The following SOX5 variants were observed in gnomAD, a reference collection of about 807,000 sequenced individuals.
SOX5 encodes the protein SRY-box transcription factor 5.
In SOX5, 9 loss-of-function variants were observed where a neutral mutation model predicts 92.0. The ratio of observed to expected loss-of-function variants is 0.10; its 90% confidence interval spans 0.06 to 0.17. The LOEUF is 0.17. Among genes scored for constraint, SOX5 ranks in the 10% least tolerant of loss-of-function variants. The pLI, the probability that SOX5 is intolerant of heterozygous loss-of-function variation, is 1.00. For synonymous variants in SOX5, 344 were observed against 336.3 expected (o/e 1.02, Z -0.25); for missense variants, 642 against 944.5 (o/e 0.68, Z 4.20).
chr12:24,209,835 G>A (rs1386083134), intron 4 of SOX5, among the ~76,000 whole-genome samples: 1 of 151,056 alleles, frequency 6.6e-6, no homozygotes, highest in African/African-American at 2.4e-5. Flanking sequence ...TGGCTAAAAC[G>A]GTGAAACCCC....
intron 7 of SOX5, among the ~76,000 whole-genome samples, chr12:23,663,891 T>C (rs1225696698): frequency 6.6e-6 from 1 of 152,008 alleles, no homozygotes; most frequent in African/African-American, 2.4e-5. Flanking sequence ...CCTACAAAGG[T>C]AGGACGATGC....
At chr12:23,662,055 T>C (rs2083128862) in intron 7 of SOX5, among the ~76,000 whole-genome samples, 1 of 152,162 alleles carries the variant, frequency 6.6e-6, no homozygotes. Flanking sequence ...TGAACTTGTC[T>C]CTGAATGAAG....
intron 3 of SOX5, among the ~76,000 whole-genome samples, chr12:23,794,540 C>A (rs956211656): frequency 2.0e-5 from 3 of 152,084 alleles, no homozygotes; most frequent in Non-Finnish European, 4.4e-5. Flanking sequence ...TAGAGCCTTA[C>A]TTATTTTAGC....
intron 1 of SOX5, among the ~76,000 whole-genome samples, chr12:24,401,319 T>C (rs1228615777): frequency 6.9e-6 from 1 of 145,208 alleles, no homozygotes; most frequent in African/African-American, 2.6e-5. Context: ...GCCACTGCAC[T>C]CCAGCCTGGG....
intron 2 of SOX5, among the ~76,000 whole-genome samples, chr12:24,311,139 G>A (rs886672630): frequency 6.6e-6 from 1 of 152,180 alleles, no homozygotes; most frequent in Non-Finnish European, 1.5e-5. Flanking sequence ...GGGCCAGGAG[G>A]TAGAGGTGGG....
chr12:24,488,121 C>G (rs1453483371), intron 1 of SOX5, among the ~76,000 whole-genome samples: 1 of 152,090 alleles, frequency 6.6e-6, no homozygotes, highest in African/African-American at 2.4e-5. Flanking sequence ...AAAATGCTGA[C>G]AGTTGAATGA....
At chr12:23,635,426 C>A (rs12299676) in intron 8 of SOX5, among the ~76,000 whole-genome samples, 2,056 of 152,046 alleles carry the variant, frequency 0.014, 52 homozygotes, top group African/African-American at 0.047. Flanking sequence ...GGACAGAAAA[C>A]CAAACACCAC....
At position 24,136,890 on chromosome 12, in the gene SOX5, T is replaced by C. The variant is rs76063707; in HGVS notation, c.-2+76453A>G. Among the ~76,000 whole-genome samples the C allele has an allele frequency of 2.8e-3, 427 of 152,360 alleles. 2 individuals carry two copies. The highest frequency in any genetic ancestry group is 9.3e-3 in the African/African-American group (387 of 41,580). On this transcript the variant is annotated intron_variant, in intron 4 of 4. Coordinates refer to the SOX5 transcript ENST00000446891. ...TGGACTGAAGGCCTTTGTTACACTTTAGCTCAAATAAATTAGAGTTTTAAT... is the reference window on the plus strand; with the variant it reads ...TGGACTGAAGGCCTTTGTTACACTTCAGCTCAAATAAATTAGAGTTTTAAT...
intron 8 of SOX5, among the ~76,000 whole-genome samples, chr12:23,639,139 G>A (rs1301674510): frequency 1.3e-5 from 2 of 151,838 alleles, no homozygotes; most frequent in Non-Finnish European, 2.9e-5. Flanking sequence ...CTTGTTCAGT[G>A]ACAAAATTGT....
intron 4 of SOX5, among the ~76,000 whole-genome samples, chr12:24,194,955 A>G (rs905076579): frequency 1.3e-5 from 2 of 152,142 alleles, no homozygotes; most frequent in African/African-American, 4.8e-5. Flanking sequence ...CTAGAAAAGA[A>G]GACTGAGATT....
intron 4 of SOX5, among the ~76,000 whole-genome samples, chr12:23,751,881 G>A (rs992805702): frequency 6.6e-6 from 1 of 151,828 alleles, no homozygotes; most frequent in Non-Finnish European, 1.5e-5. Context: ...TTAATGCACC[G>A]TGACCAGGGT....
chr12:24,165,798 G>A (rs1455668822), intron 4 of SOX5, among the ~76,000 whole-genome samples: 1 of 152,072 alleles, frequency 6.6e-6, no homozygotes, highest in Non-Finnish European at 1.5e-5. Flanking sequence ...TCTTTAAAGG[G>A]TAGTAGTTAT....
chr12:24,022,356 G>A (rs1228147123), intron 4 of SOX5, among the ~76,000 whole-genome samples: 1 of 152,092 alleles, frequency 6.6e-6, no homozygotes, highest in Non-Finnish European at 1.5e-5. Flanking sequence ...CATGAGTCTA[G>A]AACTTAGGTG....
chr12:24,412,705 T>A (rs1964323369), intron 1 of SOX5, among the ~76,000 whole-genome samples: 1 of 152,078 alleles, frequency 6.6e-6, no homozygotes, highest in South Asian at 2.1e-4. Flanking sequence ...CAGGATATGA[T>A]CTCTCTTGGA....
intron 1 of SOX5, among the ~76,000 whole-genome samples, chr12:24,480,953 C>T (rs1183989870): frequency 6.6e-6 from 1 of 152,150 alleles, no homozygotes; most frequent in African/African-American, 2.4e-5. Context: ...GATATCTACA[C>T]CCCCGTGTTT....
intron 4 of SOX5, among the ~76,000 whole-genome samples, chr12:24,199,019 C>T (rs1190038798): frequency 6.6e-6 from 1 of 152,174 alleles, no homozygotes; most frequent in African/African-American, 2.4e-5. Flanking sequence ...CACAAATGAT[C>T]AAGGTCCGAG....
intron 2 of SOX5, among the ~76,000 whole-genome samples, chr12:24,365,488 T>G (rs1210844449): frequency 6.6e-6 from 1 of 151,960 alleles, no homozygotes; most frequent in African/African-American, 2.4e-5. Flanking sequence ...CATGTTTTCC[T>G]ATGATTGACC....
intron 6 of SOX5, among the ~76,000 whole-genome samples, chr12:23,734,106 C>A (rs1009962509): frequency 6.6e-6 from 1 of 152,136 alleles, no homozygotes; most frequent in Admixed American, 6.5e-5. Flanking sequence ...CTTTTTGTTA[C>A]CAATACAGCT....
chr12:23,909,714 G>A (rs972674451), intron 1 of SOX5, among the ~76,000 whole-genome samples: 5 of 152,132 alleles, frequency 3.3e-5, no homozygotes, highest in African/African-American at 9.7e-5. Flanking sequence ...AAAACAGGGA[G>A]GGGTGTCTAA....
Sources: allele counts gnomAD v4.1 joint callset (sites outside exome capture counted in the v4.1 genomes callset), GRCh38; gene constraint gnomAD v4.1.1; transcripts MANE v1.5; gene names NCBI Gene and HGNC (gene_info 2026-07-23, HGNC 2026-07-21).